CUL5: variants seen among roughly 807,000 people sequenced by gnomAD.
CUL5 encodes cullin 5, also known as cullin-5.
CUL5 carries 26 observed loss-of-function variants against 108.8 expected under a neutral mutation model. The ratio of observed to expected loss-of-function variants is 0.24; its 90% CI spans 0.18 to 0.33. The LOEUF is 0.33. Ranked by LOEUF, CUL5 falls within the 10% of genes least tolerant of loss-of-function variation. The pLI, the probability that CUL5 is intolerant of heterozygous loss-of-function variation, is 1.00. For missense variants in CUL5, 524 were observed against 909.2 expected, an observed-to-expected ratio of 0.58 and a Z score of 5.45; for synonymous variants, 334 against 298.0, an observed-to-expected ratio of 1.12 and a Z score of -1.25.
chr11:108,095,908 C>A (rs1308592350), intron 16 of CUL5, among the ~76,000 whole-genome samples: 2 of 150,842 alleles, frequency 1.3e-5, no homozygotes, highest in African/African-American at 4.9e-5. Flanking sequence ...CCAGCCTAGC[C>A]AACATAGTGA....
At chr11:108,099,906 A>T (rs12790410) in intron 18 of CUL5, among the ~76,000 whole-genome samples, 30,053 of 146,834 alleles carry the variant, frequency 0.2, 3,078 homozygotes, top group Non-Finnish European at 0.23. Context: ...CAAAAAAAAA[A>T]TTTTTTTTTT....
chr11:108,101,054 G>A (rs549732063), intron 18 of CUL5, among the ~76,000 whole-genome samples: 3 of 152,258 alleles, frequency 2.0e-5, no homozygotes, highest in South Asian at 4.1e-4. Flanking sequence ...ATGTATAAGC[G>A]GGTGTAGTCG....
At chr11:108,033,763 A>G (rs1862654375) in intron 1 of CUL5, 39 bp from the exon 2 acceptor site, 1 of 1,279,408 alleles carries the variant, frequency 7.8e-7, no homozygotes, top group Non-Finnish European at 1.1e-6. Flanking sequence ...ATTTAACTGC[A>G]TTTAAATTAA....
At chr11:108,009,486 C>G in intron 1 of CUL5, 114 bp downstream of exon 1, 7 of 1,174,840 alleles carry the variant, frequency 6.0e-6, no homozygotes, top group Non-Finnish European at 8.6e-6. Context: ...GGGTTGTCCA[C>G]TGGCAGGGAA....
At chr11:108,012,992 T>A (rs560342831) in intron 1 of CUL5, among the ~76,000 whole-genome samples, 19 of 152,270 alleles carry the variant, frequency 1.2e-4, no homozygotes, top group African/African-American at 4.6e-4. Context: ...GCCTTTATAA[T>A]TCTTTGCCCT....
chr11:108,094,337 A>T, intron 13 of CUL5, 54 bp from the exon 14 acceptor site: 1 of 1,331,718 alleles, frequency 7.5e-7, no homozygotes, highest in Non-Finnish European at 1.0e-6. Flanking sequence ...TTTTCCCAGT[A>T]ATATATCAGA....
chr11:108,096,225 C>T (rs987421984), intron 16 of CUL5, among the ~76,000 whole-genome samples: 2 of 150,862 alleles, frequency 1.3e-5, no homozygotes, highest in Admixed American at 6.6e-5. Context: ...GGCAGTGGCT[C>T]ATGGCTGTAA....
intron 1 of CUL5, among the ~76,000 whole-genome samples, chr11:108,015,487 T>C (rs1215454755): frequency 3.3e-5 from 5 of 152,164 alleles, no homozygotes; most frequent in Non-Finnish European, 5.9e-5. Flanking sequence ...CAATTTTTCA[T>C]TGGGTTGATA....
At chr11:108,089,412 A>G (rs1442422607) in intron 12 of CUL5, 80 bp from the exon 13 acceptor site, 6 of 1,055,472 alleles carry the variant, frequency 5.7e-6, no homozygotes, top group Admixed American at 5.5e-5. Flanking sequence ...ACTTGTGACA[A>G]TTGGTGGATA....
In CUL5 at chr11:108,049,954, TC is replaced by T; in HGVS notation, c.300del (p.Phe101LeufsTer14). ...LKAYIVEWRK[F>X]FTQCDILPKP... ...GCATATATTGTTGAATGGCGAAAGTTCTTTACACAATGTGATATTTTACCAA... is the reference window on the plus strand; with the variant it reads ...GCATATATTGTTGAATGGCGAAAGTTTTTACACAATGTGATATTTTACCAA... On this transcript the variant is annotated frameshift_variant, in exon 4 of 19. Coordinates refer to ENST00000393094, the MANE Select transcript of CUL5 (RefSeq NM_003478.6). LOFTEE classifies it high-confidence loss of function. 6.2e-7 allele frequency: 1 copy of T among 1,613,848 alleles called. No individual in the cohort carries two copies. Among genetic ancestry groups the T allele is most frequent in the Non-Finnish European group, 8.5e-7 (1 of 1,179,816 alleles).
Position 108,105,724 on chromosome 11 carries a change from A to G in CUL5, c.*1340A>G, listed in dbSNP as rs1469951681. The G allele has an allele frequency of 1.3e-5, 2 of 152,144 alleles. No homozygotes were observed. The highest frequency in any genetic ancestry group is 2.9e-5 in the Non-Finnish European group (2 of 67,996). 9.4% of individuals were successfully genotyped at this position (152,144 alleles called of 1,614,324 possible). A position where few individuals can be genotyped will look rare whatever the true frequency, so the allele number is the denominator to read the frequency against. On this transcript the variant is annotated 3_prime_UTR_variant, in exon 19 of 19. Coordinates refer to ENST00000393094, the MANE Select transcript of CUL5 (RefSeq NM_003478.6). ...ATTCCCCTTGAGGAAAGAATGGCTC[A>G]ACGTGGATTTTTATTCATTGTGGTG...
intron 2 of CUL5, among the ~76,000 whole-genome samples, chr11:108,036,494 A>G (rs1273124655): frequency 2.0e-5 from 3 of 152,102 alleles, no homozygotes; most frequent in Non-Finnish European, 2.9e-5. Context: ...TTTATTTATT[A>G]TTGAGACAGA....
At chr11:108,035,780 C>G (rs904381502) in intron 2 of CUL5, among the ~76,000 whole-genome samples, 1 of 151,872 alleles carries the variant, frequency 6.6e-6, no homozygotes, top group Admixed American at 6.6e-5. Flanking sequence ...GAGGCAAAGT[C>G]CTGTTTATTG....
rs1227638567 is a variant in CUL5, at chr11:108,073,412, A to G, written c.1028A>G (p.Gln343Arg). Residue 343 changes from glutamine (Q) to arginine (R), a missense_variant, in exon 10 of 19, where the codon CAG becomes CGG. Physicochemically the swap from Gln to Arg is conservative, Grantham distance 43 (BLOSUM62 1). Coordinates refer to ENST00000393094, the MANE Select transcript of CUL5 (RefSeq NM_003478.6). ...ITTDSEKYVEQLLTLFNRFSK... is the reference protein window; with the variant it reads ...ITTDSEKYVERLLTLFNRFSK... The stretch of plus-strand genomic sequence containing the variant: ...TAGGACTCTGAGAAATACGTTGAGC[A>G]GTTACTTACACTATTTAATAGATTT... 2 of 1,569,998 alleles carry G rather than the reference A, an allele frequency of 1.3e-6. No individual in the cohort carries two copies. Among genetic ancestry groups the G allele is most frequent in the East Asian group, 4.5e-5 (2 of 44,350 alleles).
chr11:108,102,547 TCTCAAACTCCACGA>T (rs1298330676), intron 18 of CUL5, among the ~76,000 whole-genome samples: 1 of 151,914 alleles, frequency 6.6e-6, no homozygotes, highest in African/African-American at 2.4e-5. Flanking sequence ...CCTAGGCTGG[TCTCAAACTCCACGA>T]CTCAAACGAT....
intron 8 of CUL5, among the ~76,000 whole-genome samples, chr11:108,071,476 T>C (rs1055934527): frequency 5.9e-5 from 9 of 152,164 alleles, no homozygotes; most frequent in African/African-American, 2.2e-4. Flanking sequence ...TTGCCCAGGC[T>C]GATCTCCACT....
At chr11:108,048,874 T>C (rs1055070148) in intron 3 of CUL5, among the ~76,000 whole-genome samples, 1 of 151,820 alleles carries the variant, frequency 6.6e-6, no homozygotes, top group African/African-American at 2.4e-5. Context: ...ACCATGTTGG[T>C]CAAGCTGGTC....
chr11:108,072,481 G>A lies in CUL5; in HGVS notation c.1005+19G>A, dbSNP rs1167200328. 3 of 1,588,010 alleles carry A rather than the reference G, an allele frequency of 1.9e-6. 1 individual carries two copies. The highest frequency in any genetic ancestry group is 2.3e-5 in the South Asian group (2 of 87,288). On this transcript the variant is annotated intron_variant, in intron 9 of 18. Coordinates refer to ENST00000393094, the MANE Select transcript of CUL5 (RefSeq NM_003478.6). ...TACTACTGTAAGTTTTTTTTCAATG[G>A]CAATGATAGATATATATCAAGGCTA... is the stretch of plus-strand genomic sequence containing the variant.
chr11:108,010,344 CTAGAAAATAA>C (rs1862032160), intron 1 of CUL5, among the ~76,000 whole-genome samples: 1 of 152,176 alleles, frequency 6.6e-6, no homozygotes, highest in African/African-American at 2.4e-5. Flanking sequence ...TGGATGAATA[CTAGAAAATAA>C]TAGAAAATAT....
Sources: allele counts gnomAD v4.1 joint callset (sites outside exome capture counted in the v4.1 genomes callset), GRCh38; gene constraint gnomAD v4.1.1; transcripts MANE v1.5; gene names NCBI Gene and HGNC (gene_info 2026-07-23, HGNC 2026-07-21).